Variants in TMEM260 observed in about 807,000 individuals in gnomAD.
TMEM260 encodes the protein transmembrane protein 260, also known as protein O-mannosyl-transferase TMEM260.
TMEM260 carries 82 observed loss-of-function variants against 88.9 expected under a neutral mutation model. That is an observed-to-expected ratio of 0.92 (90% CI 0.77 to 1.11). The LOEUF is 1.11. Among genes scored for constraint, TMEM260 ranks in the 50% least tolerant of loss-of-function variants. TMEM260 has a pLI of 0.00. For missense variants in TMEM260, 902 were observed against 853.4 expected (o/e 1.06, Z -0.71); for synonymous variants, 314 against 309.3 (o/e 1.02, Z -0.16).
At position 56,637,907 on chromosome 14, in the gene TMEM260, C is replaced by G. The variant is rs548988347; in HGVS notation, c.1869+1309C>G. Among the ~76,000 whole-genome samples the G allele has an allele frequency of 5.9e-5, 9 of 152,166 alleles. No homozygotes were observed. The East Asian group carries it at 1.7e-3, about 30-fold the overall frequency. On this transcript the variant is annotated intron_variant, in intron 15 of 15. Transcript: ENST00000261556. ...AGAGGGAGATGGAAGATCAAGTCCT[C>G]AGTCACAGTTCAGTCTTGTGAGTGC...
At chr14:56,634,824 A>C (rs1888904184) in intron 13 of TMEM260, 75 bp from the exon 14 acceptor site, 3 of 1,371,712 alleles carry the variant, frequency 2.2e-6, no homozygotes, top group Non-Finnish European at 3.1e-6. Flanking sequence ...CCTGGGCAGC[A>C]AGAGCAAAAT....
chr14:56,657,128 C>T, the TMEM260 span, among the ~76,000 whole-genome samples: 1 of 152,180 alleles, frequency 6.6e-6, no homozygotes, highest in Non-Finnish European at 1.5e-5. Flanking sequence ...CCTACCAGGA[C>T]AGCTTCTGCA....
downstream of TMEM260, among the ~76,000 whole-genome samples, chr14:56,652,186 G>A (rs1890218406): frequency 6.6e-6 from 1 of 152,134 alleles, no homozygotes; most frequent in Admixed American, 6.6e-5. Flanking sequence ...CTGGATCCTT[G>A]AGTATCAGCT....
intron 1 of TMEM260, among the ~76,000 whole-genome samples, chr14:56,584,674 A>G (rs905532373): frequency 2.6e-5 from 4 of 152,172 alleles, no homozygotes; most frequent in African/African-American, 9.6e-5. Context: ...GAGGGATAAT[A>G]AAGCATATTA....
At chr14:56,644,043 G>C (rs1251663210) in intron 15 of TMEM260, among the ~76,000 whole-genome samples, 2 of 152,226 alleles carry the variant, frequency 1.3e-5, no homozygotes, top group Admixed American at 6.5e-5. Flanking sequence ...CATGCTCATG[G>C]GTAGGAAGAA....
intron 3 of TMEM260, among the ~76,000 whole-genome samples, chr14:56,592,334 C>G (rs1260157941): frequency 1.3e-5 from 2 of 152,094 alleles, no homozygotes; most frequent in African/African-American, 4.8e-5. Flanking sequence ...GATTTATGTT[C>G]TTAGGTCTAA....
intron 15 of TMEM260, among the ~76,000 whole-genome samples, chr14:56,643,094 A>G (rs1437990479): frequency 6.6e-6 from 1 of 152,194 alleles, no homozygotes; most frequent in Admixed American, 6.5e-5. Context: ...ACAAGGAGGA[A>G]CTGGTACCAT....
chr14:56,624,880 T>TTGGGGG (rs1215899383), intron 11 of TMEM260, among the ~76,000 whole-genome samples: 10 of 148,678 alleles, frequency 6.7e-5, no homozygotes, highest in African/African-American at 1.2e-4. Flanking sequence ...AGACTGGGGG[T>TTGGGGG]TGGGGGTGGG....
At position 56,617,286 on chromosome 14, in the gene TMEM260, T is replaced by C. The variant is rs1418731747; in HGVS notation, c.1045T>C (p.Phe349Leu). The C allele has an allele frequency of 1.3e-6, 2 of 1,591,176 alleles. No homozygotes were observed. Among genetic ancestry groups the C allele is most frequent in the South Asian group, 1.2e-5 (1 of 86,868 alleles). Reference sequence around the variant, plus strand: ...AAATTTAGATATTTCAAAACCACTTTTCATGGGTGTGGTAAGTTTTACTTA... The same window carrying C: ...AAATTTAGATATTTCAAAACCACTTCTCATGGGTGTGGTAAGTTTTACTTA... Reference protein sequence around the residue: ...RANLDISKPLFMGVVERFWMQ... With the variant: ...RANLDISKPLLMGVVERFWMQ... Residue 349 changes from phenylalanine (F) to leucine (L), a missense_variant, in exon 9 of 16, where the codon TTC becomes CTC. By Grantham distance (22) the Phe-to-Leu change is conservative. Coordinates refer to ENST00000261556, the MANE Select transcript of TMEM260 (RefSeq NM_017799.4).
chr14:56,584,208 G>A (rs1402707827), intron 1 of TMEM260, among the ~76,000 whole-genome samples: 5 of 152,138 alleles, frequency 3.3e-5, no homozygotes, highest in Non-Finnish European at 7.4e-5. Context: ...AGGATAGGAA[G>A]TGGACAGTAG....
intron 10 of TMEM260, 89 bp downstream of exon 10, chr14:56,618,852 T>G: frequency 7.5e-7 from 1 of 1,331,472 alleles, no homozygotes; most frequent in Non-Finnish European, 1.0e-6. Context: ...ATTGTTAACT[T>G]CTGGTTTTCA....
intron 15 of TMEM260, among the ~76,000 whole-genome samples, chr14:56,645,128 G>C (rs1466940951): frequency 6.6e-6 from 1 of 150,826 alleles, no homozygotes; most frequent in Non-Finnish European, 1.5e-5. Flanking sequence ...ATTTGACCCA[G>C]CCATCCCATT....
intron 11 of TMEM260, among the ~76,000 whole-genome samples, chr14:56,624,532 G>C (rs1217729113): frequency 2.0e-5 from 3 of 152,196 alleles, no homozygotes; most frequent in Admixed American, 6.5e-5. Context: ...TCATGCCACT[G>C]TACTCCAGCC....
chr14:56,601,230 T>G (rs1886554016), intron 3 of TMEM260, among the ~76,000 whole-genome samples: 1 of 152,174 alleles, frequency 6.6e-6, no homozygotes, highest in Non-Finnish European at 1.5e-5. Flanking sequence ...TTCAAATGCT[T>G]TAAGATGCCT....
chr14:56,633,336 C>T (rs1238197330), intron 13 of TMEM260, 165 bp downstream of exon 13: 4 of 547,018 alleles, frequency 7.3e-6, no homozygotes, highest in Non-Finnish European at 1.3e-5. Context: ...AGAACATGTC[C>T]TTCTCGTTCT....
Position 56,647,260 on chromosome 14 carries a change from C to A in TMEM260, c.1887C>A (p.Val629=). ...TTTTCTAGCTTTATAAGGAGATTGT[C>A]TATTTACAAAAGGAGCACCCAGTGA... is the stretch of plus-strand genomic sequence containing the variant. The part of the protein sequence containing the change: ...AQAYDLYKEI[V]YLQKEHPVNW... The change falls in exon 16 of 16, where the codon GTC becomes GTA. Residue 629 remains valine, a synonymous_variant. Coordinates refer to ENST00000261556, the MANE Select transcript of TMEM260 (RefSeq NM_017799.4). The A allele has an allele frequency of 1.9e-6, 3 of 1,612,816 alleles. No individual in the cohort carries two copies. The highest frequency in any genetic ancestry group is 2.5e-6 in the Non-Finnish European group (3 of 1,179,548).
intron 3 of TMEM260, among the ~76,000 whole-genome samples, chr14:56,593,951 T>A (rs1376324699): frequency 6.6e-6 from 1 of 151,374 alleles, no homozygotes; most frequent in Non-Finnish European, 1.5e-5. Context: ...CCTCCCAAAG[T>A]GCTGGTATTA....
At chr14:56,642,288 C>G (rs1342219377) in intron 15 of TMEM260, among the ~76,000 whole-genome samples, 2 of 151,466 alleles carry the variant, frequency 1.3e-5, no homozygotes, top group African/African-American at 4.9e-5. Flanking sequence ...TGTAAAAGAA[C>G]AGAAATTATA....
chr14:56,603,811 G>T lies in TMEM260; in HGVS notation c.345-4G>T. ...AGAAGATTTCATGTTATCTGTGTTT[G>T]CAGGCTTTCTGGCTCATCTGCTGGA... On this transcript the variant is annotated splice_polypyrimidine_tract_variant and splice_region_variant and intron_variant, in intron 3 of 15. Coordinates refer to ENST00000261556, the MANE Select transcript of TMEM260 (RefSeq NM_017799.4). 1 of 1,613,644 alleles carries T rather than the reference G, an allele frequency of 6.2e-7. No individual in the cohort carries two copies. The highest frequency in any genetic ancestry group is 8.5e-7 in the Non-Finnish European group (1 of 1,179,640).
Sources: allele counts gnomAD v4.1 joint callset (sites outside exome capture counted in the v4.1 genomes callset), GRCh38; gene constraint gnomAD v4.1.1; transcripts MANE v1.5; gene names NCBI Gene and HGNC (gene_info 2026-07-23, HGNC 2026-07-21).